DTD1: variants seen among roughly 807,000 people sequenced by gnomAD.
The protein encoded by DTD1 is D-aminoacyl-tRNA deacylase 1.
DTD1 carries 13 observed loss-of-function variants against 25.6 expected under a neutral mutation model. The observed-to-expected ratio is 0.51, with a 90% CI of 0.33 to 0.81. DTD1 has a LOEUF of 0.81. DTD1 is among the 30% of genes least tolerant of loss of function. The probability of loss-of-function intolerance (pLI) is 0.02; values close to 1 mark genes in which losing one functional copy is unlikely to be tolerated. For synonymous variants in DTD1, 110 were observed against 103.6 expected, an observed-to-expected ratio of 1.06 and a Z score of -0.37; for missense variants, 193 against 266.4, an observed-to-expected ratio of 0.72 and a Z score of 1.92.
intron 3 of DTD1, 149 bp downstream of exon 3, chr20:18,596,390 T>C (rs2060611734): frequency 1.5e-6 from 1 of 661,980 alleles, no homozygotes; most frequent in Non-Finnish European, 2.6e-6. Flanking sequence ...CTGCTGCTAT[T>C]GCTGCTGTTG....
chr20:18,716,745 C>G (rs2061182361), intron 4 of DTD1, among the ~76,000 whole-genome samples: 1 of 152,192 alleles, frequency 6.6e-6, no homozygotes, highest in Non-Finnish European at 1.5e-5. Flanking sequence ...CTTTTGACTT[C>G]TCAAAAACTT....
At chr20:18,760,791 G>A (rs1364037885) in intron 5 of DTD1, among the ~76,000 whole-genome samples, 1 of 152,210 alleles carries the variant, frequency 6.6e-6, no homozygotes, top group African/African-American at 2.4e-5. Flanking sequence ...AGTCTGCAGA[G>A]GTTTCTGCTG....
At chr20:18,619,070 C>A (rs1271016035) in intron 3 of DTD1, among the ~76,000 whole-genome samples, 2 of 152,070 alleles carry the variant, frequency 1.3e-5, no homozygotes, top group East Asian at 3.9e-4. Context: ...GTCTCAAGTT[C>A]CTAGGCTCAA....
chr20:18,664,432 G>A (rs1463727790), intron 4 of DTD1, among the ~76,000 whole-genome samples: 2 of 152,288 alleles, frequency 1.3e-5, no homozygotes, highest in Non-Finnish European at 2.9e-5. Context: ...TGCCCCTTGT[G>A]TTCCTGCTTT....
chr20:18,711,536 T>C (rs1399819554), intron 4 of DTD1, among the ~76,000 whole-genome samples: 7 of 152,058 alleles, frequency 4.6e-5, no homozygotes, highest in Non-Finnish European at 1.0e-4. Context: ...TAAACTTCAA[T>C]GTGATGGTGT....
intron 4 of DTD1, among the ~76,000 whole-genome samples, chr20:18,736,017 A>G (rs538188450): frequency 1.8e-4 from 28 of 152,260 alleles, no homozygotes; most frequent in South Asian, 1.7e-3. Context: ...TCTTCTTCCA[A>G]TGTGGCTCAG....
At chr20:18,673,376 C>G (rs1475994620) in intron 4 of DTD1, among the ~76,000 whole-genome samples, 1 of 152,118 alleles carries the variant, frequency 6.6e-6, no homozygotes, top group Non-Finnish European at 1.5e-5. Flanking sequence ...GACTGCTACT[C>G]CTTTTTACAA....
At chr20:18,740,344 C>A (rs1366154875) in intron 4 of DTD1, among the ~76,000 whole-genome samples, 1 of 150,296 alleles carries the variant, frequency 6.7e-6, no homozygotes. Flanking sequence ...TGTTTTTAAT[C>A]TCTGAAGATG....
At position 18,764,992 on chromosome 20, in the gene DTD1, A is replaced by T. The variant is rs1018929254; in HGVS notation, c.*1652A>T. 3 of 152,216 alleles carry T rather than the reference A, an allele frequency of 2.0e-5. No homozygotes were observed. The highest frequency in any genetic ancestry group is 7.2e-5 in the African/African-American group (3 of 41,466). 9.4% of individuals were successfully genotyped at this position (152,216 alleles called of 1,614,324 possible). The stretch of plus-strand genomic sequence containing the variant: ...TTGAACAGTTGCAGCCTGTCCTTGT[A>T]GTAAGGGGTAACGAGGATTGCATAG... On this transcript the variant is annotated 3_prime_UTR_variant, in exon 6 of 6. Transcript: ENST00000377452.
intron 3 of DTD1, among the ~76,000 whole-genome samples, chr20:18,626,592 T>G (rs368310430): frequency 8.5e-5 from 13 of 152,260 alleles, no homozygotes; most frequent in East Asian, 3.9e-4. Flanking sequence ...GAGTGTGTGT[T>G]TTTTTTAAAA....
chr20:18,705,681 C>T (rs2061123680), intron 4 of DTD1, among the ~76,000 whole-genome samples: 1 of 152,040 alleles, frequency 6.6e-6, no homozygotes, highest in Non-Finnish European at 1.5e-5. Flanking sequence ...AGTGATTCCA[C>T]CGTCTTGGTG....
At chr20:18,733,364 A>C (rs1294018789) in intron 4 of DTD1, among the ~76,000 whole-genome samples, 1 of 152,128 alleles carries the variant, frequency 6.6e-6, no homozygotes, top group Non-Finnish European at 1.5e-5. Context: ...GAGGCTGTGG[A>C]TTTGCAGGTC....
chr20:18,733,772 T>TA (rs1421847499), intron 4 of DTD1, among the ~76,000 whole-genome samples: 1 of 152,096 alleles, frequency 6.6e-6, no homozygotes, highest in South Asian at 2.1e-4. Flanking sequence ...TTTGCTTGAT[T>TA]AAAAAAAATT....
chr20:18,707,162 C>G (rs954166695), intron 4 of DTD1, among the ~76,000 whole-genome samples: 10 of 152,214 alleles, frequency 6.6e-5, no homozygotes, highest in African/African-American at 2.2e-4. Flanking sequence ...TCAGACGACT[C>G]CCGTTTCCTT....
At chr20:18,596,701 A>T (rs906813895) in intron 3 of DTD1, among the ~76,000 whole-genome samples, 7 of 152,074 alleles carry the variant, frequency 4.6e-5, no homozygotes, top group African/African-American at 1.7e-4. Flanking sequence ...TGTAGTCGTT[A>T]TAAACAATGA....
intron 3 of DTD1, among the ~76,000 whole-genome samples, chr20:18,606,792 G>A (rs866949430): frequency 8.2e-6 from 1 of 122,390 alleles, no homozygotes; most frequent in South Asian, 3.2e-4. Flanking sequence ...GGGGGGGAGG[G>A]GGGAGGGATA....
In DTD1 at chr20:18,721,247, C is replaced by T. The variant is rs79282863; in HGVS notation, c.478-22853C>T. Among the ~76,000 whole-genome samples the T allele has an allele frequency of 1.9e-4, 29 of 152,174 alleles. No individual in the cohort carries two copies. In the East Asian group the frequency reaches 4.8e-3, roughly 25 times the overall value. On this transcript the variant is annotated intron_variant, in intron 4 of 5. Transcript: ENST00000377452. ...AATCCTTTTTTAATAGGTTTGAGCA[C>T]GTTTTTTTTCTGTCCTAGTTTCTTG...
chr20:18,701,842 G>A (rs78896027), intron 4 of DTD1, among the ~76,000 whole-genome samples: 1,901 of 152,306 alleles, frequency 0.012, 40 homozygotes, highest in African/African-American at 0.042. Flanking sequence ...TCGAATTGCC[G>A]ATTTGTCCTT....
At chr20:18,700,175 A>T (rs6132103) in intron 4 of DTD1, among the ~76,000 whole-genome samples, 1 of 152,022 alleles carries the variant, frequency 6.6e-6, no homozygotes, top group African/African-American at 2.4e-5. Flanking sequence ...GTCAGGGCAC[A>T]TGGTATTGAT....
Sources: allele counts gnomAD v4.1 joint callset (sites outside exome capture counted in the v4.1 genomes callset), GRCh38; gene constraint gnomAD v4.1.1; transcripts MANE v1.5; gene names NCBI Gene and HGNC (gene_info 2026-07-23, HGNC 2026-07-21).